Variants in NDUFB6 observed in about 807,000 individuals in gnomAD.
NDUFB6 encodes NADH dehydrogenase [ubiquinone] 1 beta subcomplex subunit 6.
NDUFB6 carries 23 observed loss-of-function variants against 17.5 expected under a neutral mutation model. The ratio of observed to expected loss-of-function variants is 1.31; its 90% CI spans 0.94 to 1.86. The LOEUF (loss-of-function observed/expected upper bound fraction) is 1.86. Ranked by LOEUF, NDUFB6 falls within the 40% of genes most tolerant of loss-of-function variation. The pLI is 0.00. For missense variants in NDUFB6, 167 were observed against 153.8 expected, an observed-to-expected ratio of 1.09 and a Z score of -0.46; for synonymous variants, 60 against 53.5, an observed-to-expected ratio of 1.12 and a Z score of -0.53.
chr9:32,571,400 A>G (rs896598648), intron 1 of NDUFB6, among the ~76,000 whole-genome samples: 1 of 152,254 alleles, frequency 6.6e-6, no homozygotes, highest in Non-Finnish European at 1.5e-5. Context: ...AATGTATTTA[A>G]CCAGAGTAAT....
At chr9:32,556,843 CTACT>C (rs1563991456) in intron 3 of NDUFB6, among the ~76,000 whole-genome samples, 2 of 138,144 alleles carry the variant, frequency 1.4e-5, no homozygotes, top group Non-Finnish European at 3.2e-5. Context: ...GAGAAATCCC[CTACT>C]TTTTTTTTTT....
chr9:32,556,366 C>T (rs530408030), intron 3 of NDUFB6, among the ~76,000 whole-genome samples: 1 of 152,352 alleles, frequency 6.6e-6, no homozygotes, highest in Non-Finnish European at 1.5e-5. Context: ...GACATCCTGC[C>T]GTATCTTTGT....
intron 1 of NDUFB6, among the ~76,000 whole-genome samples, chr9:32,571,538 T>G (rs1411581038): frequency 6.6e-6 from 1 of 152,174 alleles, no homozygotes; most frequent in Non-Finnish European, 1.5e-5. Context: ...TTTTACATAC[T>G]AAGATGGGGT....
chr9:32,560,430 A>G (rs905367717), intron 2 of NDUFB6, among the ~76,000 whole-genome samples: 2 of 152,244 alleles, frequency 1.3e-5, no homozygotes, highest in Non-Finnish European at 2.9e-5. Context: ...TAGATATGAT[A>G]AAGTAAGTTA....
intron 2 of NDUFB6, among the ~76,000 whole-genome samples, chr9:32,569,035 C>T (rs1055467907): frequency 6.6e-6 from 1 of 151,640 alleles, no homozygotes; most frequent in Admixed American, 6.6e-5. Context: ...AGGCGTGGGA[C>T]ACCGCGCCCC....
chr9:32,561,700 A>G (rs974050467), intron 2 of NDUFB6, among the ~76,000 whole-genome samples: 1 of 152,164 alleles, frequency 6.6e-6, no homozygotes, highest in Non-Finnish European at 1.5e-5. Context: ...TTCCAAGGCT[A>G]GAGATTTTGC....
At chr9:32,557,865 G>A (rs1821512205) in intron 3 of NDUFB6, among the ~76,000 whole-genome samples, 1 of 152,164 alleles carries the variant, frequency 6.6e-6, no homozygotes, top group South Asian at 2.1e-4. Context: ...TGTTGCAACA[G>A]ATAATCATTA....
At chr9:32,571,130 G>A (rs1821931549) in intron 1 of NDUFB6, 78 bp from the exon 2 acceptor site, 17 of 935,720 alleles carry the variant, frequency 1.8e-5, no homozygotes, top group Middle Eastern at 2.2e-4. Context: ...CATCAATGAT[G>A]TAACAATGCC....
At chr9:32,555,857 A>T (rs553885325) in intron 3 of NDUFB6, among the ~76,000 whole-genome samples, 1 of 152,346 alleles carries the variant, frequency 6.6e-6, no homozygotes, top group East Asian at 1.9e-4. Context: ...AAGAAAACAA[A>T]ATCAGTGCCC....
At chr9:32,561,761 C>T (rs903973926) in intron 2 of NDUFB6, among the ~76,000 whole-genome samples, 3 of 152,126 alleles carry the variant, frequency 2.0e-5, no homozygotes, top group East Asian at 1.9e-4. Flanking sequence ...AATCAACCAC[C>T]AACTTCAGGT....
intron 3 of NDUFB6, among the ~76,000 whole-genome samples, chr9:32,556,950 C>G (rs1480807369): frequency 1.4e-5 from 2 of 140,576 alleles, no homozygotes; most frequent in Non-Finnish European, 3.0e-5. Flanking sequence ...CTCCCAGGTT[C>G]AGGCAATTCT....
Position 32,553,511 on chromosome 9 carries a change from A to C in NDUFB6, c.*365T>G, listed in dbSNP as rs1821362927. On this transcript the variant is annotated 3_prime_UTR_variant, in exon 4 of 4. Transcript: ENST00000379847. ...GCCGGAAAGATTTCCTTAAAACAAA[A>C]GTGCATGGAATTGCTGTTCTTACAT... 1 of 208,452 alleles carries C rather than the reference A, an allele frequency of 4.8e-6. No individual in the cohort carries two copies. Among genetic ancestry groups the C allele is most frequent in the East Asian group, 1.6e-4 (1 of 6,290 alleles). 12.9% of individuals were successfully genotyped at this position (208,452 alleles called of 1,614,324 possible). A position where few individuals can be genotyped will look rare whatever the true frequency, so the allele number is the denominator to read the frequency against.
chr9:32,565,242 G>A (rs1402714565), intron 2 of NDUFB6, among the ~76,000 whole-genome samples: 3 of 151,328 alleles, frequency 2.0e-5, no homozygotes, highest in Admixed American at 6.6e-5. Flanking sequence ...GCAGTGAGCC[G>A]AGATCGCGCC....
chr9:32,572,899 T>C lies in NDUFB6; in HGVS notation c.162A>G (p.Lys54=), dbSNP rs753381129. The change falls in exon 1 of 4, where the codon AAA becomes AAG. Residue 54 remains lysine, a synonymous_variant. Coordinates refer to ENST00000379847, the MANE Select transcript of NDUFB6 (RefSeq NM_002493.5). ...CACTCACCATTTTCCTCCAAGGGGA[T>C]TTATTCTCCAAAAATTTATTCCAGA... ...EKFWNKFLEN[K]SPWRKMVHGV... is the part of the protein sequence containing the mutation. 3 of 1,598,362 alleles carry C rather than the reference T, an allele frequency of 1.9e-6. No individual in the cohort carries two copies. Among genetic ancestry groups the C allele is most frequent in the Non-Finnish European group, 2.6e-6 (3 of 1,172,120 alleles).
intron 2 of NDUFB6, chr9:32,567,459 G>A (rs773210074): frequency 4.5e-6 from 2 of 447,854 alleles, no homozygotes; most frequent in Non-Finnish European, 9.0e-6. Context: ...CTCCCCAGTA[G>A]CTGGGACTAC....
intron 2 of NDUFB6, among the ~76,000 whole-genome samples, chr9:32,569,736 G>T (rs1038212152): frequency 1.3e-5 from 2 of 151,856 alleles, no homozygotes; most frequent in Non-Finnish European, 2.9e-5. Context: ...CAAGCCGGTC[G>T]AACTTCTGGC....
intron 2 of NDUFB6, chr9:32,566,507 T>C (rs1821794257): frequency 6.4e-6 from 5 of 775,552 alleles, no homozygotes; most frequent in South Asian, 5.5e-5. Flanking sequence ...CCTTCCGGTG[T>C]GCAGAGACGG....
At chr9:32,570,346 G>A (rs1043457680) in intron 2 of NDUFB6, among the ~76,000 whole-genome samples, 6 of 152,016 alleles carry the variant, frequency 3.9e-5, no homozygotes, top group African/African-American at 1.4e-4. Context: ...TTCAGGCTAC[G>A]CAGTCACCAC....
At chr9:32,569,500 G>A (rs544827397) in intron 2 of NDUFB6, among the ~76,000 whole-genome samples, 1 of 152,230 alleles carries the variant, frequency 6.6e-6, no homozygotes, top group African/African-American at 2.4e-5. Context: ...TTACAGGCAT[G>A]AGCCACCGTG....
Sources: allele counts gnomAD v4.1 joint callset (sites outside exome capture counted in the v4.1 genomes callset), GRCh38; gene constraint gnomAD v4.1.1; transcripts MANE v1.5; gene names NCBI Gene and HGNC (gene_info 2026-07-23, HGNC 2026-07-21).